Variants in SYNE1 observed in about 807,000 individuals in gnomAD.
The protein encoded by SYNE1 is spectrin repeat containing nuclear envelope protein 1.
Under a neutral mutation model 1,111.0 loss-of-function variants are expected in SYNE1, and 616 were observed. The ratio of observed to expected loss-of-function variants is 0.55; its 90% confidence interval spans 0.52 to 0.59. The LOEUF (loss-of-function observed/expected upper bound fraction) is 0.59. SYNE1 is among the 20% of genes least tolerant of loss of function. The probability of loss-of-function intolerance (pLI) is 0.00; values close to 1 mark genes in which losing one functional copy is unlikely to be tolerated. For missense variants in SYNE1, 10,006 were observed against 10,417.0 expected (o/e 0.96, Z 1.72); for synonymous variants, 3,855 against 3,825.8 (o/e 1.01, Z -0.28).
At chr6:152,157,075 C>T (rs2061520785) in intron 131 of SYNE1, among the ~76,000 whole-genome samples, 1 of 152,170 alleles carries the variant, frequency 6.6e-6, no homozygotes, top group East Asian at 1.9e-4. Flanking sequence ...GATCCACCCA[C>T]CTAGGCCTTC....
chr6:152,254,783 A>T, intron 104 of SYNE1, 97 bp downstream of exon 104: 1 of 1,107,606 alleles, frequency 9.0e-7, no homozygotes, highest in Non-Finnish European at 1.3e-6. Context: ...TTACGCATTT[A>T]GAAAAACAAC....
Position 152,221,463 on chromosome 6 carries a change from C to G in SYNE1, c.21619G>C (p.Glu7207Gln). 1 of 1,613,878 alleles carries G rather than the reference C, an allele frequency of 6.2e-7. No homozygotes were observed. Among genetic ancestry groups the G allele is most frequent in the Non-Finnish European group, 8.5e-7 (1 of 1,179,942 alleles). ...TCTTTCAGTGTATTGGTAAGAGTTTCTGTCACGGGTGGGTGACACTCTTTT... is the reference window on the plus strand; with the variant it reads ...TCTTTCAGTGTATTGGTAAGAGTTTGTGTCACGGGTGGGTGACACTCTTTT... ...LLKECHPPVT[E>Q]TLTNTLKEVN... The change falls in exon 118 of 146, where the codon GAA becomes CAA. Residue 7207 changes from glutamate (E) to glutamine (Q), a missense_variant. Around this residue, in one of 7 missense-constraint regions of SYNE1, gnomAD observed 2,182 missense variants for 2,287.8 expected, o/e 0.95. Coordinates refer to ENST00000367255, the MANE Select transcript of SYNE1 (RefSeq NM_182961.4).
intron 78 of SYNE1, 63 bp from the exon 79 acceptor site, chr6:152,326,696 T>G (rs1419912249): frequency 9.4e-6 from 14 of 1,495,770 alleles, no homozygotes; most frequent in African/African-American, 1.4e-5. Context: ...AGGAAAGAGT[T>G]TTATTCACTC....
intron 30 of SYNE1, among the ~76,000 whole-genome samples, chr6:152,443,295 T>C (rs1214575462): frequency 6.6e-6 from 1 of 152,148 alleles, no homozygotes; most frequent in Non-Finnish European, 1.5e-5. Context: ...GACAGAGTCT[T>C]GCTCTGTCGC....
At chr6:152,614,131 C>A (rs1337406600) in intron 3 of SYNE1, among the ~76,000 whole-genome samples, 1 of 152,110 alleles carries the variant, frequency 6.6e-6, no homozygotes, top group Non-Finnish European at 1.5e-5. Flanking sequence ...CCAAAATAGA[C>A]AAATGGGATC....
At chr6:152,289,463 T>A (rs192969668) in intron 95 of SYNE1, among the ~76,000 whole-genome samples, 1 of 152,322 alleles carries the variant, frequency 6.6e-6, no homozygotes, top group African/African-American at 2.4e-5. Flanking sequence ...CCATCTCTGC[T>A]CACTGTAACC....
chr6:152,492,845 C>A (rs1219501305), intron 11 of SYNE1, among the ~76,000 whole-genome samples: 2 of 152,234 alleles, frequency 1.3e-5, no homozygotes, highest in Admixed American at 1.3e-4. Context: ...GCCCCCATAA[C>A]TGTTGTGGAT....
chr6:152,346,404 T>A (rs917794251), intron 73 of SYNE1, among the ~76,000 whole-genome samples: 1 of 152,074 alleles, frequency 6.6e-6, no homozygotes, highest in African/African-American at 2.4e-5. Context: ...TGACCTCAAG[T>A]GATTCACCTG....
intron 12 of SYNE1, among the ~76,000 whole-genome samples, chr6:152,487,976 G>A (rs55861664): frequency 0.052 from 7,833 of 151,990 alleles, 687 homozygotes; most frequent in African/African-American, 0.18. Context: ...TCAGGAGGCT[G>A]AGGCAGGAGA....
rs577279875 is a variant in SYNE1 at position 152,350,266 on chromosome 6, C to T, written c.11803G>A (p.Glu3935Lys). ...CCAGACATCTGCAGCAGCCACTTTTCGACCTCTTGGAGCTCACTGTTGTAG... is the reference window on the plus strand; with the variant it reads ...CCAGACATCTGCAGCAGCCACTTTTTGACCTCTTGGAGCTCACTGTTGTAG... ...EDYNSELQEV[E>K]KWLLQMSGRL... The change falls in exon 72 of 146, where the codon GAA (glutamate) becomes AAA (lysine). Residue 3935 changes from glutamate to lysine, a missense_variant. This residue lies in a region of SYNE1 where 4,955 missense variants were observed against 5,017.2 expected (regional missense o/e 0.99). Coordinates refer to ENST00000367255, the MANE Select transcript of SYNE1 (RefSeq NM_182961.4). 1.4e-5 allele frequency: 23 copies of T among 1,614,160 alleles called. No homozygotes were observed. The highest frequency in any genetic ancestry group is 5.0e-5 in the Admixed American group (3 of 60,022).
At chr6:152,590,178 C>G (rs972566387) in intron 3 of SYNE1, among the ~76,000 whole-genome samples, 2 of 151,240 alleles carry the variant, frequency 1.3e-5, no homozygotes, top group South Asian at 4.2e-4. Flanking sequence ...ATCCTCCCAC[C>G]TTGGCCTTCC....
At chr6:152,584,140 C>T (rs1395899988) in intron 3 of SYNE1, among the ~76,000 whole-genome samples, 2 of 152,008 alleles carry the variant, frequency 1.3e-5, no homozygotes, top group Admixed American at 6.6e-5. Flanking sequence ...TCTGCTAAAT[C>T]GGGGAGCACA....
intron 80 of SYNE1, 81 bp downstream of exon 80, chr6:152,325,877 A>G (rs2096055284): frequency 6.5e-7 from 1 of 1,542,200 alleles, no homozygotes; most frequent in Non-Finnish European, 8.9e-7. Context: ...CCAGGTAGAA[A>G]TGAAGATTTA....
At chr6:152,131,161 T>C (rs1297307042) in intron 144 of SYNE1, among the ~76,000 whole-genome samples, 1 of 151,988 alleles carries the variant, frequency 6.6e-6, no homozygotes, top group Non-Finnish European at 1.5e-5. Context: ...TAAAACAGTG[T>C]TAAAATTCTT....
chr6:152,425,358 A>G (rs771663187), intron 39 of SYNE1, 23 bp downstream of exon 39: 2 of 1,610,390 alleles, frequency 1.2e-6, no homozygotes, highest in Non-Finnish European at 1.7e-6. Context: ...ACAATATTAG[A>G]AGATTTATCT....
chr6:152,503,683 A>G lies in SYNE1; in HGVS notation c.779-941T>C, dbSNP rs77571237. On this transcript the variant is annotated intron_variant, in intron 9 of 145. Transcript: ENST00000367255. ...TATAATTTCTAGAGACTTGCAATAT[A>G]GGGTTTAAAGAGTGCTGCAACTCAC... 9.5e-3 allele frequency among the ~76,000 whole-genome samples: 1,440 copies of G among 152,324 alleles called. 30 individuals are homozygous for G. The highest frequency in any genetic ancestry group is 0.033 in the African/African-American group (1,380 of 41,560).
In SYNE1 at chr6:152,206,182, C is replaced by T; in HGVS notation, c.23005G>A (p.Ala7669Thr). The change falls in exon 126 of 146, where the codon GCC becomes ACC. Residue 7669 changes from alanine (A) to threonine (T), a missense_variant. Physicochemically the swap from Ala to Thr is moderately conservative, Grantham distance 58. Coordinates refer to ENST00000367255, the MANE Select transcript of SYNE1 (RefSeq NM_182961.4). ...MRLEEQKKKL[A>T]FLLKDWEKCE... ...ACTGAACTTACTTTCAACAAGAAGG[C>T]TAGTTTTTTCTTCTGTTCTTCCAGC... 1 of 1,613,436 alleles carries T rather than the reference C, an allele frequency of 6.2e-7. No individual in the cohort carries two copies. Among genetic ancestry groups the T allele is most frequent in the East Asian group, 2.2e-5 (1 of 44,862 alleles).
intron 101 of SYNE1, among the ~76,000 whole-genome samples, chr6:152,257,936 A>G (rs1272439354): frequency 6.6e-6 from 1 of 152,204 alleles, no homozygotes; most frequent in African/African-American, 2.4e-5. Flanking sequence ...CAGGAAAAAT[A>G]TGATAGCAGA....
chr6:152,179,076 G>C (rs180719171), intron 129 of SYNE1, among the ~76,000 whole-genome samples: 20 of 152,024 alleles, frequency 1.3e-4, no homozygotes, highest in African/African-American at 4.6e-4. Context: ...ACCATGCCTG[G>C]CTAATATTTT....
Sources: allele counts gnomAD v4.1 joint callset (sites outside exome capture counted in the v4.1 genomes callset), GRCh38; gene constraint gnomAD v4.1.1; regional missense constraint gnomAD v4.1.1; transcripts MANE v1.5; gene names NCBI Gene and HGNC (gene_info 2026-07-23, HGNC 2026-07-21).